Variants in PCDH17 observed in about 807,000 individuals in gnomAD.
The protein encoded by PCDH17 is protocadherin-17.
Under a neutral mutation model 67.7 loss-of-function variants are expected in PCDH17, and 21 were observed. The observed-to-expected ratio is 0.31, with a 90% CI of 0.22 to 0.45. The LOEUF is 0.45. PCDH17 is among the 20% of genes least tolerant of loss of function. The pLI is 1.00. For missense variants in PCDH17, 1,471 were observed against 1,564.8 expected (o/e 0.94, Z 1.01); for synonymous variants, 701 against 656.7 (o/e 1.07, Z -1.03).
chr13:57,672,985 T>A (rs1161750525), intron 3 of PCDH17, among the ~76,000 whole-genome samples: 4 of 152,014 alleles, frequency 2.6e-5, no homozygotes, highest in Non-Finnish European at 5.9e-5. Context: ...TTCCAGAGCT[T>A]ATATAACCTC....
intron 3 of PCDH17, among the ~76,000 whole-genome samples, chr13:57,668,782 C>A (rs1411230455): frequency 1.3e-5 from 2 of 151,972 alleles, no homozygotes; most frequent in East Asian, 1.9e-4. Context: ...AGAAGATACA[C>A]TTAAATAATT....
At chr13:57,662,130 G>A (rs1457312262) in intron 1 of PCDH17, among the ~76,000 whole-genome samples, 1 of 152,056 alleles carries the variant, frequency 6.6e-6, no homozygotes, top group Non-Finnish European at 1.5e-5. Flanking sequence ...CCCTCCCAAA[G>A]TACTGGGATT....
At chr13:57,715,183 A>G (rs962784802) in intron 3 of PCDH17, among the ~76,000 whole-genome samples, 1 of 151,866 alleles carries the variant, frequency 6.6e-6, no homozygotes. Context: ...AACAATGCAT[A>G]TCTCACAGCA....
intron 1 of PCDH17, among the ~76,000 whole-genome samples, chr13:57,645,837 A>G (rs1954958371): frequency 6.6e-6 from 1 of 151,232 alleles, no homozygotes; most frequent in South Asian, 2.1e-4. Context: ...TTCTGATGTT[A>G]TGTCTGTCTA....
intron 3 of PCDH17, among the ~76,000 whole-genome samples, chr13:57,678,805 G>T (rs749564471): frequency 1.2e-4 from 18 of 151,618 alleles, no homozygotes; most frequent in Middle Eastern, 6.8e-3. Flanking sequence ...ATTTTAACAT[G>T]TTAAAATTAA....
chr13:57,660,480 C>T (rs999512105), intron 1 of PCDH17, among the ~76,000 whole-genome samples: 1 of 152,082 alleles, frequency 6.6e-6, no homozygotes, highest in African/African-American at 2.4e-5. Flanking sequence ...ACAGAAGAAT[C>T]CTCAGCATAT....
At chr13:57,684,220 G>A (rs1037979688) in intron 3 of PCDH17, among the ~76,000 whole-genome samples, 2 of 151,766 alleles carry the variant, frequency 1.3e-5, no homozygotes, top group Non-Finnish European at 2.9e-5. Context: ...TAGAATCCTA[G>A]AGGTTAGAAA....
chr13:57,633,899 C>T lies in PCDH17; in HGVS notation c.1353C>T (p.Pro451=). 6.2e-7 allele frequency: 1 copy of T among 1,613,242 alleles called. No homozygotes were observed. The highest frequency in any genetic ancestry group is 2.2e-5 in the East Asian group (1 of 44,848). ...TGGCGCGGGACGGGGGCTCTCCTCC[C>T]CTCAACTCCACCAAGTCGTTCGCGA... is the stretch of plus-strand genomic sequence containing the variant. ...TIVARDGGSP[P]LNSTKSFAIK... is the part of the protein sequence containing the mutation. The change falls in exon 1 of 4, where the codon CCC becomes CCT. Residue 451 remains proline (P), a synonymous_variant. Coordinates refer to ENST00000377918, the MANE Select transcript of PCDH17 (RefSeq NM_001040429.3). This position sits in a 1 kb window ranked among gnomAD's most constrained non-coding sequence, Gnocchi z 6.2.
At position 57,632,816 on chromosome 13, in the gene PCDH17, C is replaced by T. The variant is rs1954747016; in HGVS notation, c.270C>T (p.Ile90=). The part of the protein sequence containing the change: ...DSGLLYTKQR[I]DRESLCRHNA... The stretch of plus-strand genomic sequence containing the variant: ...GGCTCCTCTACACCAAGCAGCGCAT[C>T]GACCGCGAGTCCCTGTGCCGCCACA... The change falls in exon 1 of 4, where the codon ATC becomes ATT. Residue 90 remains isoleucine, a synonymous_variant. Transcript: ENST00000377918. 1 of 1,613,554 alleles carries T rather than the reference C, an allele frequency of 6.2e-7. No individual in the cohort carries two copies. The highest frequency in any genetic ancestry group is 1.3e-5 in the African/African-American group (1 of 74,920).
intron 3 of PCDH17, among the ~76,000 whole-genome samples, chr13:57,696,875 A>G (rs1480722322): frequency 2.0e-5 from 3 of 151,560 alleles, no homozygotes; most frequent in East Asian, 1.9e-4. Context: ...AGTCAAATAT[A>G]AAGGTTGGCA....
At chr13:57,667,863 A>T (rs576408329) in intron 3 of PCDH17, among the ~76,000 whole-genome samples, 1 of 126,634 alleles carries the variant, frequency 7.9e-6, no homozygotes, top group African/African-American at 2.5e-5. Flanking sequence ...AAGTATATAC[A>T]TATATGTTTA....
Position 57,632,202 on chromosome 13 carries a change from G to T in PCDH17, c.-345G>T. ...AGACGAGATTTCCTTCTTATCGCCTGCCTCATCGCTCAAGTTTGAGCCTCC... is the reference window on the plus strand; with the variant it reads ...AGACGAGATTTCCTTCTTATCGCCTTCCTCATCGCTCAAGTTTGAGCCTCC... On this transcript the variant is annotated 5_prime_UTR_variant, in exon 1 of 4. Coordinates refer to ENST00000377918, the MANE Select transcript of PCDH17 (RefSeq NM_001040429.3). 8.4e-6 allele frequency: 3 copies of T among 356,396 alleles called. No homozygotes were observed. The highest frequency in any genetic ancestry group is 3.7e-5 in the South Asian group (1 of 27,014). 22.1% of individuals were successfully genotyped at this position (356,396 alleles called of 1,614,324 possible). A position where few individuals can be genotyped will look rare whatever the true frequency, so the allele number is the denominator to read the frequency against.
At chr13:57,660,751 T>A (rs1593908819) in intron 1 of PCDH17, among the ~76,000 whole-genome samples, 1 of 152,208 alleles carries the variant, frequency 6.6e-6, no homozygotes, top group Admixed American at 6.5e-5. Context: ...TTGCCTTTTT[T>A]AAATGACTAG....
intron 3 of PCDH17, among the ~76,000 whole-genome samples, chr13:57,704,191 T>A (rs1320952207): frequency 3.9e-5 from 6 of 152,224 alleles, no homozygotes; most frequent in Admixed American, 3.3e-4. Context: ...GCTGTACCTG[T>A]CAGTGTGCCA....
intron 1 of PCDH17, among the ~76,000 whole-genome samples, chr13:57,660,492 T>C (rs1955170193): frequency 6.6e-6 from 1 of 152,238 alleles, no homozygotes; most frequent in Non-Finnish European, 1.5e-5. Flanking sequence ...TCAGCATATA[T>C]GTGATGCAGA....
chr13:57,723,102 A>T (rs1436977587), intron 3 of PCDH17, among the ~76,000 whole-genome samples: 1 of 152,198 alleles, frequency 6.6e-6, no homozygotes, highest in Non-Finnish European at 1.5e-5. Flanking sequence ...TTCCTGCATA[A>T]TAAATTTAAC....
At chr13:57,693,315 CATATATAT>C (rs59643529) in intron 3 of PCDH17, among the ~76,000 whole-genome samples, 16 of 89,360 alleles carry the variant, frequency 1.8e-4, no homozygotes, top group East Asian at 3.0e-4. Context: ...CACTTACATT[CATATATAT>C]ATATATATAT....
Position 57,725,254 on chromosome 13 carries a change from A to T in PCDH17, c.3440A>T (p.Gln1147Leu). ...EVVREIDKLL[Q>L]DCRGNDPVAV... ...GTGAGAGAAATTGATAAGCTTTTGCAAGACTGCCGGGGAAACGACCCTGTG... is the reference window on the plus strand; with the variant it reads ...GTGAGAGAAATTGATAAGCTTTTGCTAGACTGCCGGGGAAACGACCCTGTG... The change falls in exon 4 of 4, where the codon CAA (glutamine) becomes CTA (leucine). Residue 1147 changes from glutamine to leucine, a missense_variant. Coordinates refer to ENST00000377918, the MANE Select transcript of PCDH17 (RefSeq NM_001040429.3). 6.2e-7 allele frequency: 1 copy of T among 1,613,552 alleles called. No homozygotes were observed. The highest frequency in any genetic ancestry group is 8.5e-7 in the Non-Finnish European group (1 of 1,179,608).
chr13:57,640,036 T>C (rs1329893876), intron 1 of PCDH17, among the ~76,000 whole-genome samples: 2 of 151,990 alleles, frequency 1.3e-5, no homozygotes, highest in African/African-American at 4.8e-5. Context: ...GAGGTTAAAA[T>C]AATCCCAAAT....
Sources: gnomAD v4.1 joint callset for allele counts (sites outside exome capture counted in the v4.1 genomes callset) on GRCh38, gnomAD v4.1.1 for gene constraint, Gnocchi (gnomAD v3.1) non-coding constraint, MANE v1.5 for transcripts, NCBI Gene and HGNC (gene_info 2026-07-23, HGNC 2026-07-21) for gene names.